EMCN: variants seen among roughly 807,000 people sequenced by gnomAD.
EMCN encodes MUC-14.
A neutral mutation model predicts 38.4 loss-of-function variants in EMCN; 37 were observed. That is an observed-to-expected ratio of 0.96 (90% CI 0.74 to 1.27). The LOEUF is 1.27. Ranked by LOEUF, EMCN falls within the 50% of genes most tolerant of loss-of-function variation. EMCN has a pLI of 0.00. For synonymous variants in EMCN, 95 were observed against 100.8 expected, an observed-to-expected ratio of 0.94 and a Z score of 0.35; for missense variants, 318 against 302.8, an observed-to-expected ratio of 1.05 and a Z score of -0.37.
At chr4:100,408,373 A>G (rs550709937) in intron 11 of EMCN, among the ~76,000 whole-genome samples, 4 of 152,212 alleles carry the variant, frequency 2.6e-5, no homozygotes, top group Non-Finnish European at 4.4e-5. Flanking sequence ...ATTGCAGTGT[A>G]ATTTGAGTAT....
chr4:100,482,048 A>T (rs566539150), intron 1 of EMCN, among the ~76,000 whole-genome samples: 1 of 152,254 alleles, frequency 6.6e-6, no homozygotes, highest in East Asian at 1.9e-4. Context: ...TTATCACATG[A>T]TATCAAACAT....
At chr4:100,482,528 T>C (rs1728839109) in intron 1 of EMCN, among the ~76,000 whole-genome samples, 1 of 152,148 alleles carries the variant, frequency 6.6e-6, no homozygotes, top group Non-Finnish European at 1.5e-5. Context: ...GGAAAGGGCA[T>C]GAGCAGAGCT....
At chr4:100,415,326 C>T (rs1387657590) in intron 10 of EMCN, among the ~76,000 whole-genome samples, 1 of 152,192 alleles carries the variant, frequency 6.6e-6, no homozygotes, top group African/African-American at 2.4e-5. Flanking sequence ...TCTAGCACCA[C>T]ATTTTTTCAT....
chr4:100,486,042 C>T (rs1027883001), intron 1 of EMCN, among the ~76,000 whole-genome samples: 1 of 151,994 alleles, frequency 6.6e-6, no homozygotes, highest in Non-Finnish European at 1.5e-5. Context: ...AAGTTTTTTT[C>T]TGATGCTTAA....
intron 4 of EMCN, among the ~76,000 whole-genome samples, chr4:100,450,840 T>C (rs1406851020): frequency 6.6e-6 from 1 of 151,872 alleles, no homozygotes; most frequent in Non-Finnish European, 1.5e-5. Context: ...TTAGATAAAT[T>C]AGTGTTTTCT....
chr4:100,476,237 C>T (rs973317619), intron 2 of EMCN, among the ~76,000 whole-genome samples: 17 of 131,358 alleles, frequency 1.3e-4, no homozygotes, highest in African/African-American at 4.2e-4. Context: ...TTCCTTCCTT[C>T]TTTCTTTCCT....
intron 1 of EMCN, among the ~76,000 whole-genome samples, chr4:100,489,764 A>G (rs1578228431): frequency 6.6e-6 from 1 of 152,186 alleles, no homozygotes; most frequent in Non-Finnish European, 1.5e-5. Flanking sequence ...TTTCTGGGAT[A>G]CAAAACCTGT....
chr4:100,512,348 G>A (rs1729648273), intron 1 of EMCN, among the ~76,000 whole-genome samples: 1 of 152,124 alleles, frequency 6.6e-6, no homozygotes, highest in African/African-American at 2.4e-5. Flanking sequence ...CACCACTAAT[G>A]TTTCCCATGG....
chr4:100,413,385 T>A (rs533748093), intron 10 of EMCN, among the ~76,000 whole-genome samples: 1 of 152,268 alleles, frequency 6.6e-6, no homozygotes, highest in Non-Finnish European at 1.5e-5. Context: ...TTTCTACTTA[T>A]TTTTTAGGAA....
intron 3 of EMCN, among the ~76,000 whole-genome samples, chr4:100,473,576 C>G (rs914845493): frequency 2.0e-5 from 3 of 151,584 alleles, no homozygotes; most frequent in Non-Finnish European, 2.9e-5. Context: ...ACAGTGCATT[C>G]AAGAAGTTCA....
chr4:100,400,043 T>C (rs1469722), intron 11 of EMCN, among the ~76,000 whole-genome samples: 122,541 of 152,048 alleles, frequency 0.81, 49,524 homozygotes, highest in East Asian at 0.9. Flanking sequence ...TCATGATTTA[T>C]CTTGGGAAAC....
chr4:100,484,054 A>G (rs1431172986), intron 1 of EMCN, among the ~76,000 whole-genome samples: 2 of 152,162 alleles, frequency 1.3e-5, no homozygotes, highest in African/African-American at 4.8e-5. Flanking sequence ...ATCCAGACTT[A>G]GAGAGCTCAA....
rs1207390457 is a variant in EMCN at position 100,441,249 on chromosome 4, T to C, written c.415+6284A>G. On this transcript the variant is annotated intron_variant, in intron 5 of 11. Coordinates refer to ENST00000296420, the MANE Select transcript of EMCN (RefSeq NM_016242.4). ...TGTCCTGTTGATACATTGACCCCTT[T>C]ATCATTAAATAATGACATTCTTTGT... Among the ~76,000 whole-genome samples the C allele has an allele frequency of 2.0e-5, 3 of 152,228 alleles. No individual in the cohort carries two copies. The East Asian group carries it at 5.8e-4, about 29-fold the overall frequency.
At chr4:100,410,802 A>T (rs537184073) in intron 10 of EMCN, among the ~76,000 whole-genome samples, 5 of 152,276 alleles carry the variant, frequency 3.3e-5, no homozygotes, top group Non-Finnish European at 7.4e-5. Context: ...AAATGAATTT[A>T]TAGGCCAATA....
chr4:100,428,495 A>C (rs1727113473), intron 5 of EMCN, among the ~76,000 whole-genome samples: 1 of 152,036 alleles, frequency 6.6e-6, no homozygotes, highest in Non-Finnish European at 1.5e-5. Flanking sequence ...GTTAGTTATT[A>C]TTTTATTGGG....
At chr4:100,514,058 C>T (rs556293102) in intron 1 of EMCN, among the ~76,000 whole-genome samples, 1 of 152,130 alleles carries the variant, frequency 6.6e-6, no homozygotes, top group East Asian at 1.9e-4. Flanking sequence ...TTACAATGGG[C>T]AAGATTAAGA....
At chr4:100,495,106 A>G (rs1321480264) in intron 1 of EMCN, among the ~76,000 whole-genome samples, 1 of 152,120 alleles carries the variant, frequency 6.6e-6, no homozygotes, top group African/African-American at 2.4e-5. Context: ...CCTCTACCAC[A>G]TGGGATTTGC....
At chr4:100,431,941 C>T (rs1727215905) in intron 5 of EMCN, among the ~76,000 whole-genome samples, 1 of 152,034 alleles carries the variant, frequency 6.6e-6, no homozygotes, top group Non-Finnish European at 1.5e-5. Context: ...CGGTAAGGCA[C>T]AATGGTCCAT....
chr4:100,473,365 G>GGTTTTT (rs1728533364), intron 3 of EMCN, among the ~76,000 whole-genome samples: 9 of 29,876 alleles, frequency 3.0e-4, no homozygotes, highest in African/African-American at 7.2e-4. Flanking sequence ...CCCGTTTCGT[G>GGTTTTT]TTTTTTTGTT....
Sources: allele counts gnomAD v4.1 joint callset (sites outside exome capture counted in the v4.1 genomes callset), GRCh38; gene constraint gnomAD v4.1.1; transcripts MANE v1.5; gene names NCBI Gene and HGNC (gene_info 2026-07-23, HGNC 2026-07-21).